Variants in EDA observed in about 807,000 individuals in gnomAD.
EDA encodes ectodysplasin-A.
EDA carries 2 observed loss-of-function variants against 23.6 expected under a neutral mutation model. That is an observed-to-expected ratio of 0.08 (90% CI 0.03 to 0.27). The LOEUF is 0.27. EDA is among the 10% of genes least tolerant of loss of function. The pLI is 1.00. For synonymous variants in EDA, 131 were observed against 132.0 expected (o/e 0.99, Z 0.05); for missense variants, 229 against 324.2 (o/e 0.71, Z 2.26).
chrX:69,886,823 T>C (rs1178521817), intron 1 of EDA, among the ~76,000 whole-genome samples: 3 of 111,738 alleles, frequency 2.7e-5, no homozygotes, highest in Non-Finnish European at 5.6e-5. Flanking sequence ...TTGACTGTGA[T>C]TCCAGAGGCA....
intron 1 of EDA, among the ~76,000 whole-genome samples, chrX:69,832,676 G>A (rs140805136): frequency 0.076 from 8,437 of 111,360 alleles, 252 homozygotes; most frequent in Non-Finnish European, 0.088. Context: ...CGTGAGCATG[G>A]AATATTCTTC....
intron 1 of EDA, among the ~76,000 whole-genome samples, chrX:69,915,827 C>T (rs1302014473): frequency 1.8e-5 from 2 of 110,791 alleles, no homozygotes; most frequent in Admixed American, 9.7e-5. Flanking sequence ...TATGGAAGCA[C>T]GTAACAGTAG....
chrX:69,939,618 C>T (rs756264850), intron 1 of EDA, among the ~76,000 whole-genome samples: 1 of 111,576 alleles, frequency 9.0e-6, no homozygotes, highest in East Asian at 2.8e-4. Context: ...ACTTCCAGTA[C>T]TGTCTTGAAT....
At chrX:69,739,890 C>T (rs1225056990) in intron 1 of EDA, among the ~76,000 whole-genome samples, 1 of 110,748 alleles carries the variant, frequency 9.0e-6, no homozygotes, top group Admixed American at 9.6e-5. Flanking sequence ...TATGTATTGC[C>T]TTATATAATT....
At chrX:69,728,335 G>A (rs941337087) in intron 1 of EDA, among the ~76,000 whole-genome samples, 20 of 111,437 alleles carry the variant, frequency 1.8e-4, no homozygotes, top group African/African-American at 5.5e-4. Context: ...GGAATCATAC[G>A]AACACAGAAG....
At chrX:69,744,425 A>C (rs983505225) in intron 1 of EDA, among the ~76,000 whole-genome samples, 10 of 111,960 alleles carry the variant, frequency 8.9e-5, no homozygotes, top group Non-Finnish European at 1.9e-4. Flanking sequence ...TTATCATTGG[A>C]ATTAGCACTG....
chrX:69,743,282 T>A (rs1401389595), intron 1 of EDA, among the ~76,000 whole-genome samples: 4 of 111,822 alleles, frequency 3.6e-5, no homozygotes, highest in Non-Finnish European at 5.6e-5. Flanking sequence ...CTACTTCCCA[T>A]GTATCACTGG....
chrX:69,806,639 C>T (rs1350567813), intron 1 of EDA, among the ~76,000 whole-genome samples: 2 of 110,803 alleles, frequency 1.8e-5, no homozygotes, highest in African/African-American at 6.5e-5. Context: ...TTACATGCTA[C>T]AAAAGAGAAG....
At chrX:69,758,776 C>T (rs975782219) in intron 1 of EDA, among the ~76,000 whole-genome samples, 3 of 112,395 alleles carry the variant, frequency 2.7e-5, no homozygotes, top group African/African-American at 9.7e-5. Flanking sequence ...GTGTAGGTTG[C>T]GGTGAGCCGA....
chrX:70,010,778 G>A (rs1402537602), intron 2 of EDA, among the ~76,000 whole-genome samples: 2 of 111,463 alleles, frequency 1.8e-5, no homozygotes, highest in Admixed American at 9.6e-5. Context: ...CAAACGGCAC[G>A]TGTTACATGA....
At chrX:69,617,915 C>G (rs768943573) in intron 1 of EDA, among the ~76,000 whole-genome samples, 2 of 95,238 alleles carry the variant, frequency 2.1e-5, no homozygotes, top group Non-Finnish European at 2.1e-5. Flanking sequence ...AATGTTAGGA[C>G]TGATACTTAA....
chrX:69,852,353 T>A (rs1049794226), intron 1 of EDA, among the ~76,000 whole-genome samples: 1 of 111,752 alleles, frequency 8.9e-6, no homozygotes, highest in Non-Finnish European at 1.9e-5. Flanking sequence ...GGTCTCGAAC[T>A]CCCTACCTCA....
chrX:70,023,018 T>C (rs2020057724), intron 2 of EDA, 200 bp from the exon 3 acceptor site: 1 of 314,247 alleles, frequency 3.2e-6, no homozygotes, highest in East Asian at 5.0e-5. Flanking sequence ...GAATCTTCCT[T>C]GAAACTTTTG....
intron 1 of EDA, among the ~76,000 whole-genome samples, chrX:69,868,279 C>T (rs1382895630): frequency 2.7e-5 from 3 of 112,191 alleles, no homozygotes; most frequent in African/African-American, 9.7e-5. Context: ...AACTGGCAGC[C>T]TTTCAGGTCA....
At chrX:69,810,370 C>A (rs772206374) in intron 1 of EDA, among the ~76,000 whole-genome samples, 28 of 101,147 alleles carry the variant, frequency 2.8e-4, no homozygotes, top group Non-Finnish European at 2.4e-4. Flanking sequence ...TCTCCCTGCT[C>A]ATATTTATAA....
At position 70,035,845 on chromosome X, in the gene EDA, C is replaced by A. The variant is rs2020260797; in HGVS notation, c.*236C>A. ...CCCCAGGGTTTACATGAAGCAGAAC[C>A]TTCTTTGGTTCCATGTTGACTGACT... On this transcript the variant is annotated 3_prime_UTR_variant, in exon 8 of 8. Coordinates refer to ENST00000374552, the MANE Select transcript of EDA (RefSeq NM_001399.5). 7.0e-6 allele frequency: 3 copies of A among 431,247 alleles called. No homozygotes were observed. Among genetic ancestry groups the A allele is most frequent in the Non-Finnish European group, 1.2e-5 (3 of 249,846 alleles). The allele number at this position is 431,247 out of a possible 1,213,427, so 35.5% of individuals were successfully genotyped here.
chrX:69,869,654 C>T (rs999929656), intron 1 of EDA, among the ~76,000 whole-genome samples: 1 of 111,256 alleles, frequency 9.0e-6, no homozygotes. Context: ...ATGCAGTAGG[C>T]TTCCTATCAA....
intron 1 of EDA, among the ~76,000 whole-genome samples, chrX:69,751,229 G>T (rs373374545): frequency 1.8e-5 from 2 of 108,857 alleles, no homozygotes; most frequent in Non-Finnish European, 3.9e-5. Flanking sequence ...TCCAGTTTCA[G>T]CTTTCTACAT....
intron 1 of EDA, among the ~76,000 whole-genome samples, chrX:69,947,687 T>C (rs1297676166): frequency 8.9e-6 from 1 of 112,171 alleles, no homozygotes; most frequent in African/African-American, 3.2e-5. Flanking sequence ...AGTCATCCCC[T>C]CTTACCATTT....
Sources: allele counts gnomAD v4.1 joint callset (sites outside exome capture counted in the v4.1 genomes callset), GRCh38; gene constraint gnomAD v4.1.1; transcripts MANE v1.5; gene names NCBI Gene and HGNC (gene_info 2026-07-23, HGNC 2026-07-21).